Variants in RFC2 observed in about 807,000 individuals in gnomAD.
RFC2 encodes the protein A1 40 kDa subunit.
A neutral mutation model predicts 44.8 loss-of-function variants in RFC2; 34 were observed. The observed-to-expected ratio is 0.76, with a 90% CI of 0.58 to 1.01. The LOEUF (loss-of-function observed/expected upper bound fraction) is 1.01. RFC2 is among the 50% of genes least tolerant of loss of function. RFC2 has a pLI of 0.00. For missense variants in RFC2, 400 were observed against 453.6 expected (o/e 0.88, Z 1.07); for synonymous variants, 177 against 168.9 (o/e 1.05, Z -0.37).
intron 3 of RFC2, 73 bp from the exon 4 acceptor site, chr7:74,249,191 T>G (rs1803792146): frequency 1.2e-6 from 2 of 1,606,714 alleles, no homozygotes; most frequent in African/African-American, 2.7e-5. Context: ...TTATGTTCAC[T>G]GCTGTTTGCA....
chr7:74,249,625 C>T (rs1554720702), intron 3 of RFC2, 114 bp downstream of exon 3: 10 of 849,452 alleles, frequency 1.2e-5, no homozygotes, highest in Middle Eastern at 2.3e-4. Context: ...TTCCCTTTGC[C>T]GGGGGAATGG....
intron 6 of RFC2, among the ~76,000 whole-genome samples, chr7:74,242,368 G>A (rs1388051757): frequency 3.9e-5 from 6 of 151,978 alleles, no homozygotes; most frequent in Admixed American, 1.3e-4. Flanking sequence ...CTCCAAGCTC[G>A]TTTTCTTTCT....
rs782431526 is a variant in RFC2 at position 74,232,118 on chromosome 7, CG to C, written c.1052del (p.Pro351ArgfsTer39). ...TGAAGTCTCTGCTCTAACTGGCCACCGGGGCCATTGTCTTCTGACACAGCCT... is the reference window on the plus strand; with the variant it reads ...TGAAGTCTCTGCTCTAACTGGCCACCGGGCCATTGTCTTCTGACACAGCCT... Reference protein sequence around the residue: ...LARLCQKTMAPVAS With the variant: ...LARLCQKTMAXVAS On this transcript the variant is annotated frameshift_variant, in exon 11 of 11. Coordinates refer to ENST00000055077, the MANE Select transcript of RFC2 (RefSeq NM_181471.3). LOFTEE classifies it high-confidence loss of function. The C allele has an allele frequency of 6.2e-7, 1 of 1,603,548 alleles. No homozygotes were observed. The highest frequency in any genetic ancestry group is 8.5e-7 in the Non-Finnish European group (1 of 1,170,362).
At chr7:74,243,019 G>A (rs1803423224) in intron 6 of RFC2, 127 bp downstream of exon 6, 1 of 631,382 alleles carries the variant, frequency 1.6e-6, no homozygotes, top group Non-Finnish European at 2.8e-6. Context: ...AGGAGTTTGA[G>A]GCTGCAGTGA....
intron 5 of RFC2, among the ~76,000 whole-genome samples, chr7:74,246,010 C>CA (rs1803582397): frequency 6.6e-6 from 1 of 151,714 alleles, no homozygotes; most frequent in Non-Finnish European, 1.5e-5. Context: ...CCCTGGCTAA[C>CA]ATGGTGAAAC....
chr7:74,233,718 A>G, intron 10 of RFC2: 1 of 427,266 alleles, frequency 2.3e-6, no homozygotes, highest in Non-Finnish European at 4.8e-6. Flanking sequence ...CTCCTCCCTC[A>G]GCCGCCCGAG....
At chr7:74,242,537 TA>T (rs1387721964) in intron 6 of RFC2, among the ~76,000 whole-genome samples, 3 of 151,854 alleles carry the variant, frequency 2.0e-5, no homozygotes, top group African/African-American at 7.3e-5. Flanking sequence ...CCTTGTCAAT[TA>T]AAAAAATATA....
chr7:74,248,976 C>T, intron 4 of RFC2, 36 bp downstream of exon 4: 2 of 1,429,814 alleles, frequency 1.4e-6, no homozygotes, highest in Non-Finnish European at 2.0e-6. Flanking sequence ...CAATGCAGAG[C>T]ACCCGCCCCC....
In RFC2 at chr7:74,249,763, T is replaced by C; in HGVS notation, c.201A>G (p.Gly67=). The C allele has an allele frequency of 6.2e-7, 1 of 1,613,826 alleles. No individual in the cohort carries two copies. The highest frequency in any genetic ancestry group is 8.5e-7 in the Non-Finnish European group (1 of 1,179,812). The part of the protein sequence containing the change: ...VSRLEVFARE[G]NVPNIIIAGP... ...CCGCAATGATGATGTTGGGCACATT[T>C]CCTTCCCTTGCAAAGACCTACGGCG... is the stretch of plus-strand genomic sequence containing the variant. Residue 67 remains glycine (G), a synonymous_variant, in exon 3 of 11, where the codon GGA becomes GGG. Transcript: ENST00000055077.
chr7:74,250,135 A>C (rs1368977759), intron 2 of RFC2, among the ~76,000 whole-genome samples: 4 of 150,562 alleles, frequency 2.7e-5, no homozygotes, highest in African/African-American at 9.8e-5. Flanking sequence ...CCTGGGAAAG[A>C]GTGGGACCCT....
intron 5 of RFC2, among the ~76,000 whole-genome samples, chr7:74,245,369 T>C (rs1234675112): frequency 2.6e-5 from 4 of 151,732 alleles, no homozygotes; most frequent in Non-Finnish European, 4.4e-5. Context: ...TTGCACAACA[T>C]TGCAAATGTA....
At chr7:74,232,296 TAAAAAC>T (rs541911763) in intron 10 of RFC2, 80 bp from the exon 11 acceptor site, 665 of 795,866 alleles carry the variant, frequency 8.4e-4, no homozygotes, top group Admixed American at 1.4e-3. Context: ...AAAATAAAAA[TAAAAAC>T]AGAAACAAAC....
chr7:74,243,154 T>C lies in RFC2; in HGVS notation c.527A>G (p.Lys176Arg), dbSNP rs782479769. 1.4e-5 allele frequency: 22 copies of C among 1,611,344 alleles called. No individual in the cohort carries two copies. Among genetic ancestry groups the C allele is most frequent in the Non-Finnish European group, 1.9e-5 (22 of 1,177,612 alleles). ...RFALACNASD[K>R]IIEPIQSRCA... ...CGAAAGCTCCCACTCACCGATGATCTTATCCGAAGCATTACAAGCAAGGGC... is the reference window on the plus strand; with the variant it reads ...CGAAAGCTCCCACTCACCGATGATCCTATCCGAAGCATTACAAGCAAGGGC... Residue 176 changes from lysine (K) to arginine (R), a missense_variant, in exon 6 of 11, where the codon AAG becomes AGG. Lys to Arg is a conservative substitution (Grantham distance 26). Transcript: ENST00000055077.
chr7:74,247,584 G>A (rs1803692188), intron 4 of RFC2, among the ~76,000 whole-genome samples: 3 of 152,204 alleles, frequency 2.0e-5, no homozygotes, highest in South Asian at 2.1e-4. Flanking sequence ...AGGTTATGGT[G>A]AGTCGAGATC....
At chr7:74,248,872 G>A (rs967075215) in intron 4 of RFC2, 140 bp downstream of exon 4, 7 of 642,466 alleles carry the variant, frequency 1.1e-5, no homozygotes, top group Middle Eastern at 4.3e-4. Flanking sequence ...AGTGAGCAAC[G>A]CTCTTTCACT....
intron 5 of RFC2, among the ~76,000 whole-genome samples, 199 bp downstream of exon 5, chr7:74,246,463 A>G (rs782694481): frequency 6.6e-6 from 1 of 152,152 alleles, no homozygotes; most frequent in Non-Finnish European, 1.5e-5. Context: ...AAACCAGCAC[A>G]TTAAATGAAT....
At position 74,252,492 on chromosome 7, in the gene RFC2, T is replaced by C. The variant is rs782059392; in HGVS notation, c.120A>G (p.Glu40=). ...SAGHYELPWV[E]KYRPVKLNEI... is the part of the protein sequence containing the mutation. Reference sequence around the variant, plus strand: ...CATTCAGCTTTACTGGCCTATATTTTTCAACCCTGTTAAGAAAATGCATAA... The same window carrying C: ...CATTCAGCTTTACTGGCCTATATTTCTCAACCCTGTTAAGAAAATGCATAA... The change falls in exon 2 of 11, where the codon GAA becomes GAG. Residue 40 remains glutamate, a synonymous_variant. Transcript: ENST00000055077. The C allele has an allele frequency of 1.9e-6, 3 of 1,593,806 alleles. No homozygotes were observed. Among genetic ancestry groups the C allele is most frequent in the South Asian group, 2.2e-5 (2 of 90,664 alleles).
intron 8 of RFC2, 59 bp from the exon 9 acceptor site, chr7:74,237,501 G>T: frequency 8.8e-7 from 1 of 1,140,412 alleles, no homozygotes; most frequent in Non-Finnish European, 1.2e-6. Flanking sequence ...GAGCGGGGAG[G>T]CCCCAACAGA....
chr7:74,244,096 C>CAAAAAAAAAA (rs1179272254), intron 5 of RFC2, among the ~76,000 whole-genome samples: 22 of 41,440 alleles, frequency 5.3e-4, no homozygotes, highest in African/African-American at 1.5e-3. Flanking sequence ...ACTAAAAATA[C>CAAAAAAAAAA]AAAAAAAAAA....
Sources: allele counts gnomAD v4.1 joint callset (sites outside exome capture counted in the v4.1 genomes callset), GRCh38; gene constraint gnomAD v4.1.1; transcripts MANE v1.5; gene names NCBI Gene and HGNC (gene_info 2026-07-23, HGNC 2026-07-21).